Variants in PCLO observed in about 807,000 individuals in gnomAD.
PCLO encodes the protein protein piccolo.
PCLO carries 82 observed loss-of-function variants against 427.5 expected under a neutral mutation model. That is an observed-to-expected ratio of 0.19 (90% confidence interval 0.16 to 0.23). The LOEUF (loss-of-function observed/expected upper bound fraction) is 0.23. Among genes scored for constraint, PCLO ranks in the 10% least tolerant of loss-of-function variants. The pLI, the probability that PCLO is intolerant of heterozygous loss-of-function variation, is 1.00. For missense variants in PCLO, 6,239 were observed against 6,115.9 expected, an observed-to-expected ratio of 1.02 and a Z score of -0.67; for synonymous variants, 2,357 against 2,155.4, an observed-to-expected ratio of 1.09 and a Z score of -2.59.
chr7:82,774,485 T>C (rs180976397), intron 22 of PCLO, among the ~76,000 whole-genome samples: 5 of 152,338 alleles, frequency 3.3e-5, no homozygotes, highest in Non-Finnish European at 7.3e-5. Flanking sequence ...CGGGATAGAC[T>C]AGATTCTGCT....
At chr7:82,872,693 C>T (rs1384242794) in intron 10 of PCLO, among the ~76,000 whole-genome samples, 3 of 152,050 alleles carry the variant, frequency 2.0e-5, no homozygotes, top group Non-Finnish European at 4.4e-5. Context: ...ATAGCATTGT[C>T]TAAAGCGGTA....
chr7:82,896,114 T>C (rs1401110909), intron 9 of PCLO, among the ~76,000 whole-genome samples: 1 of 151,840 alleles, frequency 6.6e-6, no homozygotes, highest in Non-Finnish European at 1.5e-5. Flanking sequence ...ACCTTGACTA[T>C]GTGGCAGTTT....
At chr7:83,149,772 C>T (rs1242435761) in intron 2 of PCLO, among the ~76,000 whole-genome samples, 1 of 152,156 alleles carries the variant, frequency 6.6e-6, no homozygotes, top group Non-Finnish European at 1.5e-5. Flanking sequence ...GGATTATCCA[C>T]GGAAAGGTCA....
At position 82,916,238 on chromosome 7, in the gene PCLO, A is replaced by C. The variant is rs751300511; in HGVS notation, c.11748T>G (p.His3916Gln). ...GAGTCTGATAAGGTGAAACTTGCTGATGGTACAAAGTTTGTTGCTCAAAAT... is the reference window on the plus strand; with the variant it reads ...GAGTCTGATAAGGTGAAACTTGCTGCTGGTACAAAGTTTGTTGCTCAAAAT... The part of the protein sequence containing the change: ...QSHFEQQTLY[H>Q]QQVSPYQTQP... Residue 3916 changes from histidine to glutamine, a missense_variant, in exon 7 of 25, where the codon CAT becomes CAG. Around this residue, in one of 5 missense-constraint regions of PCLO, gnomAD observed 680 missense variants for 677.3 expected, o/e 1.00. Transcript: ENST00000333891. 6.2e-7 allele frequency: 1 copy of C among 1,613,738 alleles called. No individual in the cohort carries two copies. The highest frequency in any genetic ancestry group is 2.2e-5 in the East Asian group (1 of 44,846).
chr7:82,945,125 T>C (rs1471081294), intron 6 of PCLO, among the ~76,000 whole-genome samples: 1 of 152,152 alleles, frequency 6.6e-6, no homozygotes, highest in Non-Finnish European at 1.5e-5. Context: ...TGGGATTTTT[T>C]TTTTCTGTGG....
In PCLO at chr7:82,916,156, G is replaced by C. The variant is rs948442703; in HGVS notation, c.11830C>G (p.Pro3944Ala). The C allele has an allele frequency of 6.2e-7, 1 of 1,613,638 alleles. No individual in the cohort carries two copies. Residue 3944 changes from proline to alanine, a missense_variant, in exon 7 of 25, where the codon CCA (proline) becomes GCA (alanine). Physicochemically the swap from Pro to Ala is conservative, Grantham distance 27. This residue lies in a region of PCLO where 680 missense variants were observed against 677.3 expected (regional missense o/e 1.00). Coordinates refer to ENST00000333891, the MANE Select transcript of PCLO (RefSeq NM_033026.6). ...AACTGATAAGAAGGCTGTGGGGTTG[G>C]TGTAGGTTGAACTTGAGGTGTGAAG... ...MSFTPQVQPT[P>A]TPQPSYQLPS...
intron 6 of PCLO, among the ~76,000 whole-genome samples, chr7:82,940,898 G>A (rs969219792): frequency 2.0e-5 from 3 of 151,236 alleles, no homozygotes; most frequent in African/African-American, 7.3e-5. Flanking sequence ...GAGTAGCTGG[G>A]ACTACAGGTG....
intron 1 of PCLO, among the ~76,000 whole-genome samples, chr7:83,161,691 G>A (rs1379331002): frequency 1.3e-5 from 2 of 152,122 alleles, no homozygotes; most frequent in East Asian, 1.9e-4. Flanking sequence ...CAGAGCAGTG[G>A]CTTAAAAATA....
intron 2 of PCLO, among the ~76,000 whole-genome samples, chr7:83,141,803 G>A (rs1358149930): frequency 6.6e-6 from 1 of 152,078 alleles, no homozygotes. Context: ...CACATAAAGA[G>A]TATCAATTAA....
At position 82,885,590 on chromosome 7, in the gene PCLO, A is replaced by AT. The variant is rs200122010; in HGVS notation, c.13529-6129dup. The stretch of plus-strand genomic sequence containing the variant: ...CTCAGAAATTTGTTGTGCACACAAC[A>AT]TATGTAGACATTATTTTGGTAGAAA... On this transcript the variant is annotated intron_variant, in intron 9 of 24. Coordinates refer to ENST00000333891, the MANE Select transcript of PCLO (RefSeq NM_033026.6). Among the ~76,000 whole-genome samples, 468 of 152,292 alleles carry AT rather than the reference A, an allele frequency of 3.1e-3. 3 individuals are homozygous for AT. Among genetic ancestry groups the AT allele is most frequent in the African/African-American group, 0.011 (459 of 41,580 alleles).
At chr7:83,120,103 A>G (rs1277470051) in intron 3 of PCLO, among the ~76,000 whole-genome samples, 1 of 152,048 alleles carries the variant, frequency 6.6e-6, no homozygotes, top group African/African-American at 2.4e-5. Flanking sequence ...CGATCAGAAT[A>G]GAAAGTTTAT....
In PCLO at chr7:82,973,596, T is replaced by C. The variant is rs190633231; in HGVS notation, c.3301-7109A>G. On this transcript the variant is annotated intron_variant, in intron 3 of 24. Coordinates refer to ENST00000333891, the MANE Select transcript of PCLO (RefSeq NM_033026.6). ...CTAGGTAAAAGGTGATTAGTGGTCA[T>C]GCCTACCCATCTCTTACCTGCATGC... Among the ~76,000 whole-genome samples the C allele has an allele frequency of 4.8e-4, 72 of 148,782 alleles. 1 individual carries two copies. The highest frequency in any genetic ancestry group is 1.9e-4 in the Non-Finnish European group (13 of 68,000).
intron 9 of PCLO, among the ~76,000 whole-genome samples, chr7:82,902,262 T>C (rs1012442411): frequency 6.6e-6 from 1 of 151,568 alleles, no homozygotes; most frequent in Non-Finnish European, 1.5e-5. Context: ...AATGATGAGT[T>C]CATGTCCTTT....
chr7:82,953,049 G>C lies in PCLO; in HGVS notation c.7904C>G (p.Ser2635Ter). ...PVTAVEIPIS[S>*]EQTFYISGAL... The stretch of plus-strand genomic sequence containing the variant: ...TCCAGAGATGTAGAAGGTCTGTTCT[G>C]AAGAAATTGGAATTTCTACAGCTGT... Residue 2635 changes from serine (S) to a stop codon, truncating the protein, a stop_gained, in exon 5 of 25, where the codon TCA becomes TGA. Transcript: ENST00000333891. LOFTEE classifies it high-confidence loss of function. 6.2e-7 allele frequency: 1 copy of C among 1,613,962 alleles called. No individual in the cohort carries two copies. The highest frequency in any genetic ancestry group is 8.5e-7 in the Non-Finnish European group (1 of 1,179,858).
chr7:82,924,950 C>A (rs1489999726), intron 6 of PCLO, among the ~76,000 whole-genome samples: 2 of 152,072 alleles, frequency 1.3e-5, no homozygotes, highest in Non-Finnish European at 1.5e-5. Context: ...AAGACACAGT[C>A]TCCTCCCTCT....
intron 7 of PCLO, among the ~76,000 whole-genome samples, chr7:82,912,657 C>T (rs1240389183): frequency 6.6e-6 from 1 of 151,936 alleles, no homozygotes; most frequent in African/African-American, 2.4e-5. Flanking sequence ...GGTATCTCAT[C>T]CTCTATTTTA....
chr7:82,875,981 T>C lies in PCLO; in HGVS notation c.13654+3356A>G, dbSNP rs77394852. Among the ~76,000 whole-genome samples, 300 of 152,184 alleles carry C rather than the reference T, an allele frequency of 2.0e-3. 2 individuals are homozygous for C. Among genetic ancestry groups the C allele is most frequent in the African/African-American group, 7.0e-3 (293 of 41,568 alleles). ...CTATTGCCAACCAAGTTGTCATTCA[T>C]GTTCAAATAAACTGTAAGATGATAT... On this transcript the variant is annotated intron_variant, in intron 10 of 24. Coordinates refer to ENST00000333891, the MANE Select transcript of PCLO (RefSeq NM_033026.6).
chr7:83,110,196 C>T (rs1044773786), intron 3 of PCLO, among the ~76,000 whole-genome samples: 3 of 151,326 alleles, frequency 2.0e-5, no homozygotes, highest in African/African-American at 7.3e-5. Context: ...ATTCTTGCTA[C>T]TAAAGAAAAT....
intron 3 of PCLO, among the ~76,000 whole-genome samples, chr7:83,031,760 C>T (rs527718401): frequency 1.3e-5 from 2 of 151,384 alleles, no homozygotes; most frequent in African/African-American, 4.8e-5. Flanking sequence ...CTCTCTCTCA[C>T]ACACACACGC....
Sources: allele counts gnomAD v4.1 joint callset (sites outside exome capture counted in the v4.1 genomes callset), GRCh38; gene constraint gnomAD v4.1.1; regional missense constraint gnomAD v4.1.1; transcripts MANE v1.5; gene names NCBI Gene and HGNC (gene_info 2026-07-23, HGNC 2026-07-21).